RBM47: variants seen among roughly 807,000 people sequenced by gnomAD.
The protein encoded by RBM47 is RNA binding motif protein 47.
A neutral mutation model predicts 47.1 loss-of-function variants in RBM47; 21 were observed. The observed-to-expected ratio is 0.45, with a 90% CI of 0.32 to 0.64. The LOEUF (loss-of-function observed/expected upper bound fraction) is 0.64. Among genes scored for constraint, RBM47 ranks in the 30% least tolerant of loss-of-function variants. The pLI, the probability that RBM47 is intolerant of heterozygous loss-of-function variation, is 0.05. For synonymous variants in RBM47, 375 were observed against 361.7 expected (o/e 1.04, Z -0.42); for missense variants, 708 against 870.9 (o/e 0.81, Z 2.35).
chr4:40,569,008 TAGATAGATAGAC>T (rs781334091), intron 1 of RBM47, among the ~76,000 whole-genome samples: 4,978 of 135,074 alleles, frequency 0.037, 152 homozygotes, highest in Non-Finnish European at 0.057. Context: ...GATAGATAGA[TAGATAGATAGAC>T]AGACAGACAG....
At chr4:40,564,850 G>A (rs549484108) in intron 1 of RBM47, among the ~76,000 whole-genome samples, 127 of 152,324 alleles carry the variant, frequency 8.3e-4, no homozygotes, top group African/African-American at 2.9e-3. Flanking sequence ...CATTCTAAAA[G>A]TAAACACCAG....
chr4:40,529,803 T>C (rs963819362), intron 2 of RBM47, among the ~76,000 whole-genome samples: 60 of 148,512 alleles, frequency 4.0e-4, no homozygotes, highest in Admixed American at 2.2e-3. Context: ...CACTCCAGCC[T>C]GGGCAACAAA....
chr4:40,469,502 C>T (rs191715807), intron 2 of RBM47, among the ~76,000 whole-genome samples: 136 of 149,468 alleles, frequency 9.1e-4, no homozygotes, highest in Non-Finnish European at 1.6e-3. Flanking sequence ...AGCCTGATCT[C>T]GGCTCACTGC....
At chr4:40,494,631 G>A (rs1354100658) in intron 2 of RBM47, among the ~76,000 whole-genome samples, 1 of 152,130 alleles carries the variant, frequency 6.6e-6, no homozygotes, top group African/African-American at 2.4e-5. Context: ...AGGGCTCTCA[G>A]GTGTAGCCCA....
intron 3 of RBM47, among the ~76,000 whole-genome samples, chr4:40,465,605 G>C (rs922315001): frequency 6.6e-6 from 1 of 152,040 alleles, no homozygotes; most frequent in African/African-American, 2.4e-5. Flanking sequence ...CTCGAACCCG[G>C]GAGGCGGCGG....
rs1181477561 is a variant in RBM47, at chr4:40,426,055, A to G, written c.1631T>C (p.Phe544Ser). Residue 544 changes from phenylalanine to serine, a missense_variant, in exon 7 of 7, where the codon TTT (phenylalanine) becomes TCT (serine). Coordinates refer to ENST00000295971, the MANE Select transcript of RBM47 (RefSeq NM_001098634.2). ...GATCGTGGCTGTAGCTGGAGCAGCAAATGGCACGTAACTGGCCCCGTAGAT... is the reference window on the plus strand; with the variant it reads ...GATCGTGGCTGTAGCTGGAGCAGCAGATGGCACGTAACTGGCCCCGTAGAT... ...AGIYGASYVP[F>S]AAPATATIAT... The G allele has an allele frequency of 3.1e-6, 5 of 1,614,214 alleles. No individual in the cohort carries two copies. In the East Asian group the frequency reaches 1.1e-4, roughly 36 times the overall value.
At chr4:40,498,707 C>T (rs935227722) in intron 2 of RBM47, among the ~76,000 whole-genome samples, 3 of 145,406 alleles carry the variant, frequency 2.1e-5, no homozygotes, top group Admixed American at 7.0e-5. Flanking sequence ...TTAAGTATGA[C>T]AATTGATGTA....
intron 1 of RBM47, among the ~76,000 whole-genome samples, chr4:40,622,501 TAA>T (rs777820961): frequency 3.9e-5 from 6 of 152,052 alleles, no homozygotes; most frequent in Admixed American, 6.6e-5. Context: ...GGACTAGAAA[TAA>T]AGTCATTCAC....
In RBM47 at chr4:40,542,435, T is replaced by A. The variant is rs755554093; in HGVS notation, c.-155+1987A>T. 98 of 152,272 alleles carry A rather than the reference T, an allele frequency of 6.4e-4. 1 individual carries two copies. The highest frequency in any genetic ancestry group is 1.2e-3 in the Non-Finnish European group (83 of 68,090). The allele number at this position is 152,272 out of a possible 1,614,324, so 9.4% of individuals were successfully genotyped here. A position where few individuals can be genotyped will look rare whatever the true frequency, so the allele number is the denominator to read the frequency against. ...CCTATCCTCCAGGTCTCAGTTAGAA[T>A]GCCATTCAAACTCCAAGCAACCTTC... On this transcript the variant is annotated intron_variant, in intron 2 of 6. Coordinates refer to ENST00000295971, the MANE Select transcript of RBM47 (RefSeq NM_001098634.2).
chr4:40,460,008 G>A (rs539751510), intron 3 of RBM47, among the ~76,000 whole-genome samples: 4 of 152,178 alleles, frequency 2.6e-5, no homozygotes, highest in South Asian at 4.2e-4. Flanking sequence ...CACCCGCCTC[G>A]GCCTCTCAAA....
chr4:40,561,520 A>T (rs1386530057), intron 1 of RBM47, among the ~76,000 whole-genome samples: 1 of 149,330 alleles, frequency 6.7e-6, no homozygotes, highest in African/African-American at 2.5e-5. Context: ...CACTGTGCCC[A>T]ACTTCTTTTT....
At chr4:40,522,556 T>TTAG in intron 2 of RBM47, among the ~76,000 whole-genome samples, 1 of 152,244 alleles carries the variant, frequency 6.6e-6, no homozygotes. Flanking sequence ...GAGTTTGGGT[T>TTAG]TAGTATCAAA....
rs543094080 is a variant in RBM47, at chr4:40,546,692, GA to G, written c.-239-2187del. ...TCTGATTAACATACAGTGCTGGAAG[GA>G]ACTTTGACCCACAGAAACCTGGCAT... On this transcript the variant is annotated intron_variant, in intron 1 of 6. Transcript: ENST00000295971. 3.2e-3 allele frequency among the ~76,000 whole-genome samples: 483 copies of G among 152,298 alleles called. 3 individuals are homozygous for G. The highest frequency in any genetic ancestry group is 0.011 in the African/African-American group (465 of 41,552).
intron 2 of RBM47, among the ~76,000 whole-genome samples, chr4:40,477,578 A>G (rs1719800045): frequency 6.6e-6 from 1 of 152,232 alleles, no homozygotes. Context: ...TTTAAGCATT[A>G]GAGAGTATTC....
intron 2 of RBM47, among the ~76,000 whole-genome samples, chr4:40,525,192 C>T (rs1726573287): frequency 6.6e-6 from 1 of 152,180 alleles, no homozygotes; most frequent in Non-Finnish European, 1.5e-5. Flanking sequence ...AATCCCAGCA[C>T]TTTGGGAGGC....
intron 1 of RBM47, among the ~76,000 whole-genome samples, chr4:40,564,284 A>T (rs1163068815): frequency 2.6e-5 from 4 of 152,136 alleles, no homozygotes; most frequent in Non-Finnish European, 5.9e-5. Flanking sequence ...CTTCTGGCTG[A>T]CTGGGATGGC....
chr4:40,600,758 G>A (rs926322089), intron 1 of RBM47, among the ~76,000 whole-genome samples: 23 of 151,630 alleles, frequency 1.5e-4, no homozygotes, highest in East Asian at 1.4e-3. Flanking sequence ...AGGCCAAGGC[G>A]GGCTGATCAC....
At chr4:40,603,484 A>G (rs34001336) in intron 1 of RBM47, among the ~76,000 whole-genome samples, 47,277 of 151,980 alleles carry the variant, frequency 0.31, 8,081 homozygotes, top group African/African-American at 0.43. Flanking sequence ...GGAATCACTG[A>G]GTTATAATGT....
chr4:40,486,069 CAAAAAA>C (rs201408070), intron 2 of RBM47, among the ~76,000 whole-genome samples: 7 of 62,834 alleles, frequency 1.1e-4, no homozygotes, highest in African/African-American at 2.5e-4. Context: ...AACCCTGTTT[CAAAAAA>C]AAAAAAAAAA....
Sources: allele counts gnomAD v4.1 joint callset (sites outside exome capture counted in the v4.1 genomes callset), GRCh38; gene constraint gnomAD v4.1.1; transcripts MANE v1.5; gene names NCBI Gene and HGNC (gene_info 2026-07-23, HGNC 2026-07-21).